The following DYRK1A variants were observed in gnomAD, a reference collection of about 807,000 sequenced individuals.
DYRK1A encodes the protein dual specificity tyrosine phosphorylation regulated kinase 1A, also known as dual specificity tyrosine-phosphorylation-regulated kinase 1A.
A neutral mutation model predicts 79.7 loss-of-function variants in DYRK1A; 9 were observed. That is an observed-to-expected ratio of 0.11 (90% CI 0.07 to 0.20). The LOEUF is 0.20. Among genes scored for constraint, DYRK1A ranks in the 10% least tolerant of loss-of-function variants. DYRK1A has a pLI of 1.00. For missense variants in DYRK1A, 622 were observed against 956.0 expected, an observed-to-expected ratio of 0.65 and a Z score of 4.61; for synonymous variants, 349 against 329.7, an observed-to-expected ratio of 1.06 and a Z score of -0.63.
chr21:37,477,124 A>G (rs1045082529), intron 3 of DYRK1A, among the ~76,000 whole-genome samples: 82 of 152,150 alleles, frequency 5.4e-4, no homozygotes, highest in African/African-American at 1.9e-3. Context: ...TAGGTTAACA[A>G]TTATACCATG....
At chr21:37,457,619 T>C (rs141127708) in intron 2 of DYRK1A, among the ~76,000 whole-genome samples, 2 of 152,366 alleles carry the variant, frequency 1.3e-5, no homozygotes, top group East Asian at 3.8e-4. Context: ...TTTATGTAAA[T>C]AATCAGTGTT....
chr21:37,428,946 T>G (rs1231483143), intron 2 of DYRK1A: 2 of 152,200 alleles, frequency 1.3e-5, no homozygotes, highest in Admixed American at 1.3e-4. Context: ...TTTACTTTTC[T>G]TTAAGCACTC....
rs1438336515 is a variant in DYRK1A, at chr21:37,522,151, A to G, written c.*9620A>G. On this transcript the variant is annotated 3_prime_UTR_variant, in exon 12 of 12. Transcript: ENST00000647188. ...ATGGTTTTTAGATCTATCAAGGGAT[A>G]GAAGATTGTCCAGCCCCTTGCTGCC... 1.3e-5 allele frequency: 2 copies of G among 152,204 alleles called. No individual in the cohort carries two copies. Among genetic ancestry groups the G allele is most frequent in the Admixed American group, 6.5e-5 (1 of 15,282 alleles). 9.4% of individuals were successfully genotyped at this position (152,204 alleles called of 1,614,324 possible).
chr21:37,368,105 G>C (rs2049352735), intron 1 of DYRK1A: 1 of 153,232 alleles, frequency 6.5e-6, no homozygotes, highest in South Asian at 1.9e-4. Flanking sequence ...AGGACGGCGG[G>C]GCCGGGCCGG....
intron 2 of DYRK1A, chr21:37,456,285 C>T (rs2051633743): frequency 6.5e-6 from 1 of 152,804 alleles, no homozygotes; most frequent in Non-Finnish European, 1.5e-5. Context: ...CCCATGAGAA[C>T]AACACAGGAG....
intron 9 of DYRK1A, among the ~76,000 whole-genome samples, chr21:37,500,996 T>G (rs966780236): frequency 6.6e-6 from 1 of 151,550 alleles, no homozygotes; most frequent in African/African-American, 2.4e-5. Context: ...CTTCATTATG[T>G]CCATTTACTT....
chr21:37,479,614 T>TTTG (rs1569362281), intron 4 of DYRK1A, among the ~76,000 whole-genome samples: 1 of 43,798 alleles, frequency 2.3e-5, no homozygotes, highest in Non-Finnish European at 4.2e-5. Context: ...TTGTTTTTGT[T>TTTG]TTTTGTTTTT....
Position 37,367,283 on chromosome 21 carries a change from C to T in DYRK1A, c.-422C>T, listed in dbSNP as rs1252001583. 7 of 151,018 alleles carry T rather than the reference C, an allele frequency of 4.6e-5. No individual in the cohort carries two copies. The highest frequency in any genetic ancestry group is 1.3e-4 in the Admixed American group (2 of 15,174). 9.4% of individuals were successfully genotyped at this position (151,018 alleles called of 1,614,324 possible). Reference sequence around the variant, plus strand: ...CATTTTGTGAGATTTACAAAATCCTCCTCGGGAAGAAGCCGCCGGCAGCAG... The same window carrying T: ...CATTTTGTGAGATTTACAAAATCCTTCTCGGGAAGAAGCCGCCGGCAGCAG... On this transcript the variant is annotated 5_prime_UTR_variant, in exon 1 of 12. Transcript: ENST00000647188.
At chr21:37,487,570 C>T (rs968700668) in intron 6 of DYRK1A, 25 of 152,138 alleles carry the variant, frequency 1.6e-4, no homozygotes, top group African/African-American at 5.8e-4. Flanking sequence ...GCCATAGTCA[C>T]TTGTGTTCAG....
intron 2 of DYRK1A, among the ~76,000 whole-genome samples, chr21:37,427,076 A>G (rs1039914708): frequency 6.6e-6 from 1 of 152,222 alleles, no homozygotes; most frequent in Admixed American, 6.5e-5. Context: ...CTTAACAGAT[A>G]CTAACAATAT....
At chr21:37,459,765 T>A (rs1416668167) in intron 2 of DYRK1A, among the ~76,000 whole-genome samples, 1 of 152,234 alleles carries the variant, frequency 6.6e-6, no homozygotes, top group African/African-American at 2.4e-5. Context: ...TTATATGGAT[T>A]CTGCTAGCCT....
At chr21:37,485,048 A>G (rs2052806168) in intron 5 of DYRK1A, among the ~76,000 whole-genome samples, 1 of 152,202 alleles carries the variant, frequency 6.6e-6, no homozygotes, top group Admixed American at 6.5e-5. Context: ...CTGATTGCGT[A>G]TTGAAATTTC....
At chr21:37,456,609 T>C (rs888792793) in intron 2 of DYRK1A, among the ~76,000 whole-genome samples, 9 of 152,114 alleles carry the variant, frequency 5.9e-5, no homozygotes, top group Admixed American at 1.3e-4. Context: ...ATCTTGTCTT[T>C]TATGGGGAAT....
In DYRK1A at chr21:37,490,406, A is replaced by G. The variant is rs951202495; in HGVS notation, c.869A>G (p.Lys290Arg). ...KPENILLCNP[K>R]RSAIKIVDFG... ...GAAAATATCCTTCTTTGTAACCCCA[A>G]ACGCAGTGCAATCAAGATAGTTGAC... The change falls in exon 7 of 12, where the codon AAA (lysine) becomes AGA (arginine). Residue 290 changes from lysine (K) to arginine (R), a missense_variant. Physicochemically the swap from Lys to Arg is conservative, Grantham distance 26. This residue lies in a region of DYRK1A where 138 missense variants were observed against 346.4 expected (regional missense o/e 0.40). Coordinates refer to ENST00000647188, the MANE Select transcript of DYRK1A (RefSeq NM_001347721.2). 6.2e-7 allele frequency: 1 copy of G among 1,613,610 alleles called. No individual in the cohort carries two copies. Among genetic ancestry groups the G allele is most frequent in the Non-Finnish European group, 8.5e-7 (1 of 1,179,668 alleles).
At chr21:37,483,876 C>T (rs1440163697) in intron 5 of DYRK1A, among the ~76,000 whole-genome samples, 7 of 152,166 alleles carry the variant, frequency 4.6e-5, no homozygotes, top group Admixed American at 1.3e-4. Flanking sequence ...AGCCACCACA[C>T]CTGGCCTGGG....
chr21:37,402,268 T>A (rs1437644371), intron 1 of DYRK1A, among the ~76,000 whole-genome samples: 3 of 152,226 alleles, frequency 2.0e-5, no homozygotes, highest in Non-Finnish European at 4.4e-5. Flanking sequence ...TCTTCGGCAT[T>A]TCTTGTGCAG....
In DYRK1A at chr21:37,515,800, G is replaced by T. The variant is rs563293173; in HGVS notation, c.*3269G>T. ...CATTAGTTTTCTTCTTAGGGTGTGA[G>T]AATTTTACCTAGGCACATGGATATT... On this transcript the variant is annotated 3_prime_UTR_variant, in exon 12 of 12. Transcript: ENST00000647188. 6.6e-6 allele frequency: 1 copy of T among 151,206 alleles called. No individual in the cohort carries two copies. The highest frequency in any genetic ancestry group is 2.1e-4 in the South Asian group (1 of 4,718). The allele number at this position is 151,206 out of a possible 1,614,324, so 9.4% of individuals were successfully genotyped here.
At chr21:37,485,619 A>C (rs1331909587) in intron 5 of DYRK1A, among the ~76,000 whole-genome samples, 1 of 152,232 alleles carries the variant, frequency 6.6e-6, no homozygotes, top group East Asian at 1.9e-4. Context: ...AGAATTACTT[A>C]TTCAGACAAT....
At chr21:37,375,910 G>A (rs772400727) in intron 1 of DYRK1A, among the ~76,000 whole-genome samples, 1 of 151,944 alleles carries the variant, frequency 6.6e-6, no homozygotes, top group Admixed American at 6.6e-5. Context: ...ATTGGAACAG[G>A]CATGCCTGTT....
Sources: gnomAD v4.1 joint callset for allele counts (sites outside exome capture counted in the v4.1 genomes callset) on GRCh38, gnomAD v4.1.1 for gene constraint, gnomAD v4.1.1 regional missense constraint, MANE v1.5 for transcripts, NCBI Gene and HGNC (gene_info 2026-07-23, HGNC 2026-07-21) for gene names.